Variants in NCALD observed in about 807,000 individuals in gnomAD.
The protein encoded by NCALD is neurocalcin delta, also known as neurocalcin-delta.
A neutral mutation model predicts 18.6 loss-of-function variants in NCALD; 10 were observed. That is an observed-to-expected ratio of 0.54 (90% confidence interval 0.33 to 0.91). The LOEUF is 0.91. Among genes scored for constraint, NCALD ranks in the 40% least tolerant of loss-of-function variants. The pLI is 0.03. For missense variants in NCALD, 184 were observed against 247.6 expected (o/e 0.74, Z 1.72); for synonymous variants, 88 against 87.4 (o/e 1.01, Z -0.04).
At chr8:101,760,520 C>G (rs535911960) in intron 1 of NCALD, among the ~76,000 whole-genome samples, 1 of 152,308 alleles carries the variant, frequency 6.6e-6, no homozygotes, top group African/African-American at 2.4e-5. Context: ...TCCCAGAGAG[C>G]GTCTGGCTGT....
At chr8:101,717,157 C>G (rs1000188475) in intron 2 of NCALD, among the ~76,000 whole-genome samples, 1 of 152,178 alleles carries the variant, frequency 6.6e-6, no homozygotes, top group Non-Finnish European at 1.5e-5. Context: ...TACACAGAAT[C>G]CACAGTAGTC....
chr8:101,888,496 T>C (rs1474817293), intron 3 of NCALD, among the ~76,000 whole-genome samples: 1 of 152,010 alleles, frequency 6.6e-6, no homozygotes, highest in African/African-American at 2.4e-5. Flanking sequence ...TAGCTCAGTG[T>C]AACCTCAAAC....
rs543331588 is a variant in NCALD at position 101,850,759 on chromosome 8, T to A, written c.-20+36382A>T. 6.7e-4 allele frequency among the ~76,000 whole-genome samples: 101 copies of A among 150,078 alleles called. 1 individual carries two copies. Among genetic ancestry groups the A allele is most frequent in the African/African-American group, 2.4e-3 (98 of 41,446 alleles). ...GAGGGTAGAAGATATGCTCTTCTGA[T>A]TTTTTTTAAGTTAGGTCTTTGGGAG... On this transcript the variant is annotated intron_variant, in intron 4 of 6. Transcript: ENST00000311028.
chr8:101,720,225 TG>T (rs1816287979), intron 1 of NCALD, among the ~76,000 whole-genome samples: 1 of 152,162 alleles, frequency 6.6e-6, no homozygotes, highest in African/African-American at 2.4e-5. Context: ...AACTCCAACA[TG>T]CTAGTTCAGG....
chr8:101,932,167 GGGCATGTTCTGTCTTTCA>G lies in NCALD; in HGVS notation c.-156-16327_-156-16310del, dbSNP rs567947398. 2.1e-3 allele frequency among the ~76,000 whole-genome samples: 315 copies of G among 152,270 alleles called. 1 individual carries two copies. Among genetic ancestry groups the G allele is most frequent in the African/African-American group, 7.1e-3 (297 of 41,552 alleles). Reference sequence around the variant, plus strand: ...GACAGTGCTCTGCCAGTTGTGTCCAGGGCATGTTCTGTCTTTCAGCCTCCAGGCCCCCTCCCCTGCCAC... The same window carrying G: ...GACAGTGCTCTGCCAGTTGTGTCCAGGCCTCCAGGCCCCCTCCCCTGCCAC... On this transcript the variant is annotated intron_variant, in intron 2 of 6. Coordinates refer to the NCALD transcript ENST00000311028.
chr8:101,845,483 A>G (rs1360213417), intron 4 of NCALD, among the ~76,000 whole-genome samples: 1 of 152,206 alleles, frequency 6.6e-6, no homozygotes, highest in African/African-American at 2.4e-5. Flanking sequence ...AGCCATCCCT[A>G]TTGGTCCCAT....
chr8:101,957,347 A>G (rs1232268218), intron 2 of NCALD, among the ~76,000 whole-genome samples: 1 of 138,878 alleles, frequency 7.2e-6, no homozygotes, highest in African/African-American at 2.7e-5. Flanking sequence ...CCAAGCAGAG[A>G]TGAAGATAAA....
chr8:101,878,188 A>G (rs968636015), intron 4 of NCALD, among the ~76,000 whole-genome samples: 3 of 152,240 alleles, frequency 2.0e-5, no homozygotes, highest in African/African-American at 7.2e-5. Flanking sequence ...TGAACATTCA[A>G]CTGCAACTTC....
intron 2 of NCALD, among the ~76,000 whole-genome samples, chr8:101,701,429 G>A (rs895765070): frequency 2.6e-5 from 4 of 152,146 alleles, no homozygotes; most frequent in Admixed American, 1.3e-4. Context: ...CTTGTCTCTG[G>A]GTAAATGCAG....
chr8:101,933,226 C>A (rs1818641520), intron 2 of NCALD, among the ~76,000 whole-genome samples: 1 of 152,196 alleles, frequency 6.6e-6, no homozygotes, highest in Admixed American at 6.5e-5. Context: ...AGGGACATTG[C>A]AGATGTGATT....
intron 2 of NCALD, among the ~76,000 whole-genome samples, chr8:101,957,546 C>G (rs1421687944): frequency 1.3e-5 from 2 of 152,010 alleles, no homozygotes; most frequent in Admixed American, 6.6e-5. Flanking sequence ...TCTTGGAAAA[C>G]TCGCTGGCAG....
intron 4 of NCALD, among the ~76,000 whole-genome samples, chr8:101,797,395 T>TA (rs1812677945): frequency 6.6e-6 from 1 of 152,136 alleles, no homozygotes. Flanking sequence ...ACATTAACTT[T>TA]AAAGGAGCAA....
At chr8:101,833,141 C>G (rs763376672) in intron 4 of NCALD, among the ~76,000 whole-genome samples, 2 of 152,166 alleles carry the variant, frequency 1.3e-5, no homozygotes, top group African/African-American at 4.8e-5. Flanking sequence ...CCTCACTTTC[C>G]TCGTATGATG....
At chr8:102,123,855 G>C (rs1256955937) in intron 1 of NCALD, 1 of 152,294 alleles carries the variant, frequency 6.6e-6, no homozygotes, top group Non-Finnish European at 1.5e-5. Flanking sequence ...GGATGCTCCA[G>C]AGGTCCCCGG....
chr8:102,106,860 C>T (rs931454485), intron 1 of NCALD, among the ~76,000 whole-genome samples: 5 of 152,010 alleles, frequency 3.3e-5, no homozygotes, highest in Admixed American at 3.3e-4. Context: ...CAGCTAAGCC[C>T]AATCCATAAG....
intron 2 of NCALD, among the ~76,000 whole-genome samples, chr8:102,011,024 A>C (rs1428246520): frequency 6.6e-6 from 1 of 152,186 alleles, no homozygotes; most frequent in Non-Finnish European, 1.5e-5. Context: ...GTTCCTTTTT[A>C]ATCATGTAGT....
chr8:101,857,024 TC>T (rs1815347167), intron 4 of NCALD, among the ~76,000 whole-genome samples: 1 of 152,154 alleles, frequency 6.6e-6, no homozygotes, highest in African/African-American at 2.4e-5. Flanking sequence ...GTGACTCTCT[TC>T]CCCACCGTGC....
rs35196499 is a variant in NCALD at position 101,988,902 on chromosome 8, G to GAAAAA, written c.-157+31330_-157+31334dup. ...ATGAGCTAGACAGCAGGTGCCAGCAGAAAAAAAAAAAAAAAAAAAAAACAG... is the reference window on the plus strand; with the variant it reads ...ATGAGCTAGACAGCAGGTGCCAGCAGAAAAAAAAAAAAAAAAAAAAAAAAAAACAG... On this transcript the variant is annotated intron_variant, in intron 2 of 6. Transcript: ENST00000311028. Among the ~76,000 whole-genome samples the GAAAAA allele has an allele frequency of 9.2e-4, 61 of 66,068 alleles. 2 individuals are homozygous for GAAAAA. The highest frequency in any genetic ancestry group is 2.0e-3 in the Admixed American group (10 of 5,082). 43.3% of individuals were successfully genotyped at this position (66,068 alleles called of 152,430 possible).
chr8:101,872,300 C>T (rs75880780), intron 4 of NCALD: 15,209 of 1,368,072 alleles, frequency 0.011, 119 homozygotes, highest in East Asian at 0.014. Context: ...AGTTTAATTG[C>T]TTTCCCCTCA....
Sources: allele counts gnomAD v4.1 joint callset (sites outside exome capture counted in the v4.1 genomes callset), GRCh38; gene constraint gnomAD v4.1.1; transcripts MANE v1.5; gene names NCBI Gene and HGNC (gene_info 2026-07-23, HGNC 2026-07-21).